The following RGS22 variants were observed in gnomAD, a reference collection of about 807,000 sequenced individuals.
RGS22 encodes the protein regulator of G protein signaling 22, also known as regulator of G-protein signaling 22.
In RGS22, 148 loss-of-function variants were observed where a neutral mutation model predicts 172.9. The ratio of observed to expected loss-of-function variants is 0.86; its 90% CI spans 0.75 to 0.98. The LOEUF is 0.98. Among genes scored for constraint, RGS22 ranks in the 50% least tolerant of loss-of-function variants. The pLI is 0.00. For missense variants in RGS22, 1,347 were observed against 1,440.8 expected, an observed-to-expected ratio of 0.93 and a Z score of 1.05; for synonymous variants, 458 against 480.2, an observed-to-expected ratio of 0.95 and a Z score of 0.60.
intron 9 of RGS22, among the ~76,000 whole-genome samples, chr8:100,060,767 C>T (rs918392362): frequency 2.6e-5 from 4 of 152,054 alleles, no homozygotes; most frequent in East Asian, 1.9e-4. Flanking sequence ...AGATTCAATG[C>T]TATTCCTATT....
intron 14 of RGS22, among the ~76,000 whole-genome samples, chr8:100,015,379 GC>G (rs1216189101): frequency 6.6e-6 from 1 of 152,024 alleles, no homozygotes; most frequent in Non-Finnish European, 1.5e-5. Context: ...TGCAACCTCT[GC>G]CTGCCAGGTT....
intron 17 of RGS22, chr8:100,003,089 A>G (rs1815280807): frequency 1.1e-5 from 2 of 181,588 alleles, no homozygotes; most frequent in Non-Finnish European, 1.2e-5. Flanking sequence ...AAGAACTACT[A>G]TTTGATAGCA....
intron 14 of RGS22, among the ~76,000 whole-genome samples, chr8:100,010,853 A>C (rs1816301685): frequency 6.6e-6 from 1 of 150,610 alleles, no homozygotes; most frequent in Non-Finnish European, 1.5e-5. Context: ...TATGTTGCTC[A>C]GGCTAATCTC....
rs1211792825 is a variant in RGS22 at position 100,082,413 on chromosome 8, T to C, written c.118-2058A>G. On this transcript the variant is annotated intron_variant, in intron 3 of 27. Coordinates refer to ENST00000360863, the MANE Select transcript of RGS22 (RefSeq NM_015668.5). The stretch of plus-strand genomic sequence containing the variant: ...TCAAGTAGGCCCCTACAATAGTAGG[T>C]CTATTGCTCCCTTCGTGTCCATGTG... Among the ~76,000 whole-genome samples the C allele has an allele frequency of 2.6e-5, 4 of 152,286 alleles. No homozygotes were observed. In the South Asian group the frequency reaches 6.2e-4, roughly 24 times the overall value.
chr8:100,060,642 CA>C (rs1159190928), intron 9 of RGS22, among the ~76,000 whole-genome samples: 4 of 151,492 alleles, frequency 2.6e-5, no homozygotes, highest in African/African-American at 4.8e-5. Flanking sequence ...AGGAGAACTA[CA>C]AAACATTGCT....
rs768984416 is a variant in RGS22 at position 100,080,292 on chromosome 8, G to A, written c.181C>T (p.Pro61Ser). Residue 61 changes from proline to serine, a missense_variant, in exon 4 of 28, where the codon CCA becomes TCA. Pro to Ser is a moderately conservative substitution (Grantham distance 74, BLOSUM62 -1). Coordinates refer to ENST00000360863, the MANE Select transcript of RGS22 (RefSeq NM_015668.5). ...TTCAGTTGTTTTTCCAGAAATTGTG[G>A]AGCATCATTAGCTACTTCAAAAACT... ...YGVFEVANDA[P>S]QFLEKQLKKI... The A allele has an allele frequency of 4.3e-6, 7 of 1,613,596 alleles. No individual in the cohort carries two copies. The highest frequency in any genetic ancestry group is 2.7e-5 in the African/African-American group (2 of 74,884).
At chr8:99,988,363 TATAAA>T (rs1813335245) in intron 20 of RGS22, among the ~76,000 whole-genome samples, 1 of 152,086 alleles carries the variant, frequency 6.6e-6, no homozygotes, top group Admixed American at 6.6e-5. Flanking sequence ...AATTTGGAAA[TATAAA>T]ATATCTACTT....
chr8:100,103,572 G>A (rs560156191), intron 2 of RGS22, among the ~76,000 whole-genome samples: 24 of 152,234 alleles, frequency 1.6e-4, no homozygotes, highest in Middle Eastern at 3.4e-3. Context: ...CCCAATAACC[G>A]CTGGATATAC....
intron 25 of RGS22, 46 bp downstream of exon 25, chr8:99,962,839 G>A (rs1433305910): frequency 6.3e-7 from 1 of 1,576,762 alleles, no homozygotes. Context: ...ATTAATCTGT[G>A]ATAAAAGATA....
At chr8:100,046,731 G>T (rs981025317) in intron 11 of RGS22, among the ~76,000 whole-genome samples, 3 of 151,696 alleles carry the variant, frequency 2.0e-5, no homozygotes, top group Non-Finnish European at 4.4e-5. Flanking sequence ...AATTCACAGA[G>T]GTGACTTCGG....
intron 5 of RGS22, 41 bp downstream of exon 5, chr8:100,072,104 A>G: frequency 8.6e-7 from 1 of 1,168,626 alleles, no homozygotes; most frequent in East Asian, 2.4e-5. Flanking sequence ...AGGCTAATAT[A>G]TATGTATTTA....
At position 99,993,244 on chromosome 8, in the gene RGS22, G is replaced by A. The variant is rs972920686; in HGVS notation, c.3018+3218C>T. Among the ~76,000 whole-genome samples, 5 of 152,092 alleles carry A rather than the reference G, an allele frequency of 3.3e-5. No individual in the cohort carries two copies. In the East Asian group the frequency reaches 9.6e-4, roughly 29 times the overall value. The stretch of plus-strand genomic sequence containing the variant: ...GAGCAAACAAATTCAAAAGCTAGCA[G>A]AAGGCAAGAAACAACTAAGATCAGA... On this transcript the variant is annotated intron_variant, in intron 20 of 27. Coordinates refer to ENST00000360863, the MANE Select transcript of RGS22 (RefSeq NM_015668.5).
intron 23 of RGS22, among the ~76,000 whole-genome samples, chr8:99,973,868 C>CA (rs563552845): frequency 0.13 from 12,310 of 94,018 alleles, 736 homozygotes; most frequent in African/African-American, 0.21. Flanking sequence ...GACTCCATCT[C>CA]AAAAAAAAAA....
rs767671252 is a variant in RGS22, at chr8:100,063,853, C to T, written c.915G>A (p.Leu305=). 1.2e-6 allele frequency: 2 copies of T among 1,611,498 alleles called. No individual in the cohort carries two copies. The highest frequency in any genetic ancestry group is 1.7e-6 in the Non-Finnish European group (2 of 1,179,152). Residue 305 remains leucine, a synonymous_variant, in exon 8 of 28, where the codon CTG becomes CTA. Transcript: ENST00000360863. Reference sequence around the variant, plus strand: ...CTTCACATGTTGAGAAATGCATTGTCAGGCTTTCATCAACATCCTGTTTCT... The same window carrying T: ...CTTCACATGTTGAGAAATGCATTGTTAGGCTTTCATCAACATCCTGTTTCT... ...LEKKQDVDES[L]TMHFSTCEEF... is the part of the protein sequence containing the mutation.
chr8:100,075,244 G>A (rs936728762), intron 4 of RGS22, among the ~76,000 whole-genome samples: 3 of 152,152 alleles, frequency 2.0e-5, no homozygotes. Context: ...TCATGGGAGC[G>A]AATCCCTCAT....
intron 15 of RGS22, among the ~76,000 whole-genome samples, chr8:100,006,833 CCTA>C (rs981679008): frequency 3.9e-5 from 6 of 152,140 alleles, no homozygotes; most frequent in Admixed American, 3.9e-4. Flanking sequence ...TATTTTTCCT[CCTA>C]CTAAAAACTG....
chr8:99,981,321 C>A (rs1448584628), intron 22 of RGS22, among the ~76,000 whole-genome samples: 1 of 152,226 alleles, frequency 6.6e-6, no homozygotes, highest in East Asian at 1.9e-4. Context: ...TCTTAAATCT[C>A]TTCTCACTTA....
chr8:100,053,699 G>A (rs536464053), intron 9 of RGS22, among the ~76,000 whole-genome samples: 166 of 151,986 alleles, frequency 1.1e-3, no homozygotes, highest in African/African-American at 3.8e-3. Context: ...GCAGTGGTGC[G>A]ATCTCAGCTC....
At chr8:100,098,901 ATTTTATTTTATTTTATTTTAT>A (rs1813237132) in intron 2 of RGS22, among the ~76,000 whole-genome samples, 1 of 57,928 alleles carries the variant, frequency 1.7e-5, no homozygotes, top group Admixed American at 2.2e-4. Context: ...ATTTTATTTT[ATTTTATTTTATTTTATTTTAT>A]TTTATTTATT....
Sources: gnomAD v4.1 joint callset for allele counts (sites outside exome capture counted in the v4.1 genomes callset) on GRCh38, gnomAD v4.1.1 for gene constraint, MANE v1.5 for transcripts, NCBI Gene and HGNC (gene_info 2026-07-23, HGNC 2026-07-21) for gene names.